The following GLG1 variants were observed in gnomAD, a reference collection of about 807,000 sequenced individuals.
The protein encoded by GLG1 is golgi glycoprotein 1, also known as Golgi apparatus protein 1.
In GLG1, 38 loss-of-function variants were observed where a neutral mutation model predicts 160.5. The ratio of observed to expected loss-of-function variants is 0.24; its 90% CI spans 0.18 to 0.31. The LOEUF is 0.31. Ranked by LOEUF, GLG1 falls within the 10% of genes least tolerant of loss-of-function variation. GLG1 has a pLI of 1.00. For missense variants in GLG1, 1,373 were observed against 1,505.2 expected, an observed-to-expected ratio of 0.91 and a Z score of 1.45; for synonymous variants, 644 against 543.4, an observed-to-expected ratio of 1.19 and a Z score of -2.57.
rs547576039 is a variant in GLG1, at chr16:74,582,758, GA to G, written c.438+23898del. Among the ~76,000 whole-genome samples, 782 of 151,908 alleles carry G rather than the reference GA, an allele frequency of 5.1e-3. 2 individuals carry two copies. Among genetic ancestry groups the G allele is most frequent in the Non-Finnish European group, 8.5e-3 (578 of 67,942 alleles). ...GGTGTGAACCCGGGAGGTGGAGCTTGACAGTGAGCCGAGATCGCGCCACTGC... is the reference window on the plus strand; with the variant it reads ...GGTGTGAACCCGGGAGGTGGAGCTTGCAGTGAGCCGAGATCGCGCCACTGC... On this transcript the variant is annotated intron_variant, in intron 1 of 25. Transcript: ENST00000422840.
chr16:74,480,091 A>T, intron 11 of GLG1, 150 bp downstream of exon 11: 1 of 659,910 alleles, frequency 1.5e-6, no homozygotes, highest in Non-Finnish European at 2.6e-6. Context: ...CACTCACGGA[A>T]GGAAGAAGTT....
intron 1 of GLG1, among the ~76,000 whole-genome samples, chr16:74,597,341 G>A (rs923761458): frequency 6.7e-6 from 1 of 149,464 alleles, no homozygotes; most frequent in Non-Finnish European, 1.5e-5. Context: ...TGAGGCAGGA[G>A]AATCGCTTGA....
At chr16:74,464,437 G>C (rs1234934560) in intron 19 of GLG1, among the ~76,000 whole-genome samples, 2 of 152,202 alleles carry the variant, frequency 1.3e-5, no homozygotes, top group Non-Finnish European at 2.9e-5. Context: ...TTAAGTCAGG[G>C]ATCAGCTGTG....
intron 17 of GLG1, 30 bp downstream of exon 17, chr16:74,468,916 T>C (rs990441985): frequency 1.4e-6 from 2 of 1,384,970 alleles, no homozygotes; most frequent in Non-Finnish European, 2.1e-6. Context: ...CCCACTGTGG[T>C]TTCTGGGAGC....
chr16:74,521,934 T>G (rs2017177880), intron 2 of GLG1, among the ~76,000 whole-genome samples: 1 of 152,202 alleles, frequency 6.6e-6, no homozygotes, highest in Admixed American at 6.5e-5. Flanking sequence ...GGGCAGAGTT[T>G]CCAGGGTCCC....
chr16:74,511,529 G>C (rs560078687), intron 2 of GLG1, among the ~76,000 whole-genome samples: 1 of 144,362 alleles, frequency 6.9e-6, no homozygotes, highest in African/African-American at 2.6e-5. Flanking sequence ...GTGCATGCCT[G>C]TAATCCCAGC....
chr16:74,485,982 T>G, intron 8 of GLG1, 65 bp from the exon 9 acceptor site: 1 of 1,279,996 alleles, frequency 7.8e-7, no homozygotes, highest in South Asian at 1.3e-5. Flanking sequence ...GAGCAGTGTC[T>G]TCATACATTC....
chr16:74,482,953 T>C (rs2015656019), intron 10 of GLG1, 70 bp downstream of exon 10: 9 of 832,354 alleles, frequency 1.1e-5, no homozygotes, highest in Non-Finnish European at 1.9e-5. Flanking sequence ...TTTTAATAAA[T>C]ACAGGTAATT....
rs749972416 is a variant in GLG1 at position 74,607,051 on chromosome 16, G to A, written c.44C>T (p.Ala15Val). 10 of 1,588,094 alleles carry A rather than the reference G, an allele frequency of 6.3e-6. No individual in the cohort carries two copies. The highest frequency in any genetic ancestry group is 4.0e-5 in the African/African-American group (3 of 74,550). ...GAATAGCAGCAGCAGATGCAGCGCC[G>A]CCGACAAGCGGAACATCCTCCGTAC... ...GRVRRMFRLSAALHLLLLFAA... is the reference protein window; with the variant it reads ...GRVRRMFRLSVALHLLLLFAA... The change falls in exon 1 of 26, where the codon GCG (alanine) becomes GTG (valine). Residue 15 changes from alanine to valine, a missense_variant. Ala to Val is a moderately conservative substitution (Grantham distance 64, BLOSUM62 0). Coordinates refer to ENST00000422840, the MANE Select transcript of GLG1 (RefSeq NM_001145667.2).
chr16:74,591,583 G>A (rs1326053985), intron 1 of GLG1, among the ~76,000 whole-genome samples: 2 of 151,892 alleles, frequency 1.3e-5, no homozygotes, highest in Non-Finnish European at 2.9e-5. Flanking sequence ...AGCCGAAATC[G>A]CACCACTGCA....
intron 1 of GLG1, among the ~76,000 whole-genome samples, chr16:74,553,337 T>C (rs1567519853): frequency 1.3e-5 from 2 of 152,234 alleles, no homozygotes; most frequent in East Asian, 3.9e-4. Context: ...GCTGGAATCA[T>C]GGGTGCACAC....
At chr16:74,476,226 G>A (rs527387740) in intron 12 of GLG1, among the ~76,000 whole-genome samples, 2 of 152,142 alleles carry the variant, frequency 1.3e-5, no homozygotes, top group African/African-American at 4.8e-5. Context: ...CTCCATGACG[G>A]GCTGCAATGT....
At chr16:74,458,521 A>C (rs149154908) in intron 23 of GLG1, among the ~76,000 whole-genome samples, 1 of 151,406 alleles carries the variant, frequency 6.6e-6, no homozygotes, top group African/African-American at 2.4e-5. Context: ...AAAATTATTT[A>C]AAAAAAAATT....
intron 3 of GLG1, among the ~76,000 whole-genome samples, chr16:74,506,595 A>AC: frequency 6.7e-6 from 1 of 148,916 alleles, no homozygotes; most frequent in African/African-American, 2.5e-5. Context: ...AAAAAAAAAA[A>AC]AAAAAAAAAC....
intron 1 of GLG1, among the ~76,000 whole-genome samples, chr16:74,536,244 C>T (rs1193179171): frequency 6.6e-6 from 1 of 152,118 alleles, no homozygotes; most frequent in Non-Finnish European, 1.5e-5. Context: ...ACTTTAAGTG[C>T]AGACAGGCTC....
At chr16:74,546,884 G>A in intron 1 of GLG1, among the ~76,000 whole-genome samples, 1 of 146,326 alleles carries the variant, frequency 6.8e-6, no homozygotes, top group East Asian at 2.0e-4. Context: ...TGGGTAACAT[G>A]TGATAATTTG....
intron 1 of GLG1, among the ~76,000 whole-genome samples, chr16:74,568,667 C>A (rs888696858): frequency 6.6e-6 from 1 of 152,156 alleles, no homozygotes; most frequent in Non-Finnish European, 1.5e-5. Flanking sequence ...ATCCGCCCAC[C>A]TCGGCCTCCC....
intron 2 of GLG1, among the ~76,000 whole-genome samples, chr16:74,513,855 C>A (rs1030460723): frequency 6.6e-6 from 1 of 152,050 alleles, no homozygotes; most frequent in African/African-American, 2.4e-5. Flanking sequence ...GCTTAACGAG[C>A]ATGTTCTAAC....
chr16:74,507,766 T>A (rs73608666), intron 3 of GLG1, among the ~76,000 whole-genome samples: 3 of 152,116 alleles, frequency 2.0e-5, no homozygotes, highest in Admixed American at 2.0e-4. Flanking sequence ...AATTGTATAG[T>A]ACCACAATAT....
Sources: gnomAD v4.1 joint callset for allele counts (sites outside exome capture counted in the v4.1 genomes callset) on GRCh38, gnomAD v4.1.1 for gene constraint, MANE v1.5 for transcripts, NCBI Gene and HGNC (gene_info 2026-07-23, HGNC 2026-07-21) for gene names.